The following CEP128 variants were observed in gnomAD, a reference collection of about 807,000 sequenced individuals.
The protein encoded by CEP128 is centrosomal protein 128kDa.
In CEP128, 132 loss-of-function variants were observed where a neutral mutation model predicts 156.7. The observed-to-expected ratio is 0.84, with a 90% CI of 0.73 to 0.97. The LOEUF (loss-of-function observed/expected upper bound fraction) is 0.97, where lower values mean the gene tolerates loss of function less well. Ranked by LOEUF, CEP128 falls within the 50% of genes least tolerant of loss-of-function variation. The probability of loss-of-function intolerance (pLI) is 0.00; values close to 1 mark genes in which losing one functional copy is unlikely to be tolerated. For synonymous variants in CEP128, 469 were observed against 448.9 expected (o/e 1.04, Z -0.57); for missense variants, 1,252 against 1,281.9 (o/e 0.98, Z 0.36).
At chr14:80,653,923 A>G (rs767513816) in intron 19 of CEP128, among the ~76,000 whole-genome samples, 1 of 152,178 alleles carries the variant, frequency 6.6e-6, no homozygotes, top group African/African-American at 2.4e-5. Context: ...CTATTGTTTC[A>G]TGAAACTTTT....
chr14:80,790,798 G>A (rs1901665691), intron 14 of CEP128, among the ~76,000 whole-genome samples: 1 of 138,766 alleles, frequency 7.2e-6, no homozygotes, highest in Admixed American at 7.3e-5. Flanking sequence ...AATAAATTAT[G>A]CTAGAAAAAG....
chr14:80,952,511 GAA>G (rs1199014280), intron 2 of CEP128, among the ~76,000 whole-genome samples: 2 of 152,000 alleles, frequency 1.3e-5, no homozygotes, highest in Admixed American at 1.3e-4. Context: ...GTAGTATAGG[GAA>G]AGTCTACAGC....
intron 2 of CEP128, among the ~76,000 whole-genome samples, chr14:80,947,357 G>A (rs186412117): frequency 6.6e-6 from 1 of 152,202 alleles, no homozygotes; most frequent in Non-Finnish European, 1.5e-5. Flanking sequence ...CAGAAAGGGA[G>A]GGGAGTTGAG....
chr14:80,768,949 C>T (rs1438991313), intron 16 of CEP128, among the ~76,000 whole-genome samples: 1 of 152,080 alleles, frequency 6.6e-6, no homozygotes, highest in African/African-American at 2.4e-5. Flanking sequence ...ATAACAAATA[C>T]CTTCTAAATG....
chr14:80,853,571 A>G (rs2140126508), intron 9 of CEP128, among the ~76,000 whole-genome samples: 1 of 152,066 alleles, frequency 6.6e-6, no homozygotes, highest in Admixed American at 6.5e-5. Context: ...ACCTAAAAAT[A>G]AGTCTAACAA....
intron 23 of CEP128, among the ~76,000 whole-genome samples, chr14:80,523,149 C>A (rs545063529): frequency 1.3e-5 from 2 of 152,328 alleles, no homozygotes; most frequent in Non-Finnish European, 2.9e-5. Flanking sequence ...TGTTTCAGTG[C>A]CTTCTTACAA....
intron 8 of CEP128, among the ~76,000 whole-genome samples, chr14:80,887,531 A>G (rs2217174): frequency 0.69 from 104,168 of 151,950 alleles, 36,830 homozygotes; most frequent in African/African-American, 0.87. Flanking sequence ...AATGACTACT[A>G]GGTAAATAAC....
At chr14:80,593,255 C>T (rs979958993) in intron 19 of CEP128, among the ~76,000 whole-genome samples, 1 of 151,924 alleles carries the variant, frequency 6.6e-6, no homozygotes, top group African/African-American at 2.4e-5. Flanking sequence ...TTAAAAAAAA[C>T]CCTGTTGTCG....
chr14:80,743,311 A>G (rs1359233628), intron 18 of CEP128, 44 bp from the exon 19 acceptor site: 2 of 1,336,040 alleles, frequency 1.5e-6, no homozygotes, highest in South Asian at 1.3e-5. Flanking sequence ...AAACTCAGAA[A>G]AGAGCAGCAT....
intron 19 of CEP128, among the ~76,000 whole-genome samples, chr14:80,685,187 C>A (rs964600234): frequency 6.6e-6 from 1 of 151,952 alleles, no homozygotes; most frequent in African/African-American, 2.4e-5. Flanking sequence ...TTGATTCTAT[C>A]CCTAGAAAAC....
At chr14:80,684,841 A>C (rs1412937686) in intron 19 of CEP128, among the ~76,000 whole-genome samples, 1 of 152,082 alleles carries the variant, frequency 6.6e-6, no homozygotes, top group Non-Finnish European at 1.5e-5. Context: ...ACAAAATTTT[A>C]AAAAAATACG....
intron 19 of CEP128, among the ~76,000 whole-genome samples, chr14:80,698,099 T>C (rs1244716352): frequency 1.3e-5 from 2 of 152,082 alleles, no homozygotes; most frequent in Non-Finnish European, 2.9e-5. Flanking sequence ...TATTAAATTC[T>C]TAAAAATGTT....
rs140616195 is a variant in CEP128, at chr14:80,545,523, C to A, written c.2880+13756G>T. On this transcript the variant is annotated intron_variant, in intron 21 of 24. Coordinates refer to ENST00000555265, the MANE Select transcript of CEP128 (RefSeq NM_152446.5). ...AATTTGTTAAAATAAGAGAATTGGT[C>A]ATTTGGCGAGTTCATGACTGAGCAA... is the stretch of plus-strand genomic sequence containing the variant. Among the ~76,000 whole-genome samples the A allele has an allele frequency of 2.0e-3, 310 of 152,212 alleles. 1 individual carries two copies. Among genetic ancestry groups the A allele is most frequent in the African/African-American group, 7.3e-3 (302 of 41,548 alleles).
intron 15 of CEP128, among the ~76,000 whole-genome samples, chr14:80,780,829 C>T (rs1002594500): frequency 2.6e-5 from 4 of 152,166 alleles, no homozygotes; most frequent in Non-Finnish European, 4.4e-5. Flanking sequence ...TTATGCTAGA[C>T]ACCATAAGAG....
intron 21 of CEP128, among the ~76,000 whole-genome samples, chr14:80,551,242 G>A (rs115381444): frequency 0.014 from 2,102 of 152,222 alleles, 42 homozygotes; most frequent in African/African-American, 0.048. Context: ...ATTTCTGGAA[G>A]GCATGCCAAA....
intron 13 of CEP128, among the ~76,000 whole-genome samples, chr14:80,811,723 TTGTA>T (rs766489376): frequency 4.7e-5 from 7 of 148,460 alleles, no homozygotes; most frequent in Non-Finnish European, 7.5e-5. Flanking sequence ...GTGGGTGTGT[TTGTA>T]TGTATGTATT....
At chr14:80,569,311 G>A (rs1891043224) in intron 20 of CEP128, among the ~76,000 whole-genome samples, 1 of 152,110 alleles carries the variant, frequency 6.6e-6, no homozygotes, top group Non-Finnish European at 1.5e-5. Context: ...TACTTTTCAG[G>A]ACTATAAATA....
intron 19 of CEP128, among the ~76,000 whole-genome samples, chr14:80,672,976 T>C (rs930252698): frequency 1.3e-5 from 2 of 152,208 alleles, no homozygotes; most frequent in Non-Finnish European, 2.9e-5. Flanking sequence ...TTCAAACTTT[T>C]GTCTCTAAGA....
At chr14:80,654,001 G>A (rs534776674) in intron 19 of CEP128, among the ~76,000 whole-genome samples, 2 of 152,160 alleles carry the variant, frequency 1.3e-5, no homozygotes, top group South Asian at 2.1e-4. Context: ...AGATAATGAC[G>A]TATAATGTAT....
Sources: gnomAD v4.1 joint callset for allele counts (sites outside exome capture counted in the v4.1 genomes callset) on GRCh38, gnomAD v4.1.1 for gene constraint, MANE v1.5 for transcripts, NCBI Gene and HGNC (gene_info 2026-07-23, HGNC 2026-07-21) for gene names.